Variants in ZNF362 observed in about 807,000 individuals in gnomAD.
ZNF362 encodes the protein zinc finger protein 362.
ZNF362 carries 11 observed loss-of-function variants against 42.9 expected under a neutral mutation model. That is an observed-to-expected ratio of 0.26 (90% confidence interval 0.16 to 0.42). The LOEUF is 0.42. ZNF362 is among the 20% of genes least tolerant of loss of function. The pLI is 1.00. For synonymous variants in ZNF362, 255 were observed against 257.3 expected (o/e 0.99, Z 0.09); for missense variants, 362 against 576.2 (o/e 0.63, Z 3.81).
chr1:33,262,880 G>C (rs1645838714), intron 1 of ZNF362, among the ~76,000 whole-genome samples: 1 of 152,192 alleles, frequency 6.6e-6, no homozygotes, highest in Non-Finnish European at 1.5e-5. Flanking sequence ...ATGTCTGCTG[G>C]AGTGTGCATG....
the ZNF362 span, among the ~76,000 whole-genome samples, chr1:33,235,265 A>AAAAG: frequency 6.6e-6 from 1 of 151,812 alleles, no homozygotes; most frequent in African/African-American, 2.4e-5. Context: ...GGCTTTCCCC[A>AAAAG]CACCTTTGCA....
chr1:33,130,169 A>G, the ZNF362 span, among the ~76,000 whole-genome samples: 1 of 152,184 alleles, frequency 6.6e-6, no homozygotes. Context: ...GTAGCTTTGC[A>G]CTTTAGATGG....
At chr1:33,225,037 T>A in the ZNF362 span, among the ~76,000 whole-genome samples, 1 of 152,208 alleles carries the variant, frequency 6.6e-6, no homozygotes, top group Non-Finnish European at 1.5e-5. Context: ...AACTATGAAC[T>A]GATCTTCTGC....
the ZNF362 span, among the ~76,000 whole-genome samples, chr1:33,144,839 C>T: frequency 6.6e-6 from 1 of 152,190 alleles, no homozygotes; most frequent in African/African-American, 2.4e-5. Flanking sequence ...GGGTCAGAGC[C>T]AGCCCAGAGG....
chr1:33,167,102 C>T, the ZNF362 span, among the ~76,000 whole-genome samples: 1 of 152,080 alleles, frequency 6.6e-6, no homozygotes, highest in South Asian at 2.1e-4. The surrounding 1 kb of genome is among the most constrained non-coding windows in gnomAD (Gnocchi z 4.2). Context: ...GGCTGGTGGC[C>T]TCCACTCTCA....
chr1:33,208,451 T>C, the ZNF362 span, among the ~76,000 whole-genome samples: 1 of 152,208 alleles, frequency 6.6e-6, no homozygotes, highest in African/African-American at 2.4e-5. Flanking sequence ...AGTCGTTTTT[T>C]TCCAATTCTG....
chr1:33,279,416 G>A (rs547385261), intron 4 of ZNF362, among the ~76,000 whole-genome samples: 1 of 151,798 alleles, frequency 6.6e-6, no homozygotes, highest in East Asian at 1.9e-4. Flanking sequence ...CACCACCAGT[G>A]TATGATATAA....
At chr1:33,288,080 G>A (rs996115618) in intron 6 of ZNF362, among the ~76,000 whole-genome samples, 5 of 152,182 alleles carry the variant, frequency 3.3e-5, no homozygotes, top group South Asian at 2.1e-4. Flanking sequence ...AGAAATTAAT[G>A]TATTAAAAAC....
Position 33,281,552 on chromosome 1 carries a change from G to T in ZNF362, c.684-35G>T, listed in dbSNP as rs754105814. 1.9e-6 allele frequency: 3 copies of T among 1,607,818 alleles called. No homozygotes were observed. The highest frequency in any genetic ancestry group is 2.6e-6 in the Non-Finnish European group (3 of 1,174,460). ...CTCCCCTGAGATGGACAGTCTGGGG[G>T]ATCTTCCCACGTGAACCTGTCTCTT... is the stretch of plus-strand genomic sequence containing the variant. On this transcript the variant is annotated intron_variant, in intron 5 of 8. Transcript: ENST00000539719. This position sits in a 1 kb window ranked among gnomAD's most constrained non-coding sequence, Gnocchi z 4.8.
chr1:33,275,972 G>A, intron 2 of ZNF362, 128 bp from the exon 3 acceptor site: 1 of 1,007,218 alleles, frequency 9.9e-7, no homozygotes, highest in Non-Finnish European at 1.5e-6. Context: ...TGTGCTGTGA[G>A]GCTGGGGGAC....
At chr1:33,207,124 C>G in the ZNF362 span, among the ~76,000 whole-genome samples, 2 of 151,480 alleles carry the variant, frequency 1.3e-5, no homozygotes, top group African/African-American at 4.9e-5. Flanking sequence ...CAACAGGCCC[C>G]GGTGTGTGAT....
the ZNF362 span, among the ~76,000 whole-genome samples, chr1:33,243,617 G>C: frequency 6.8e-6 from 1 of 146,852 alleles, no homozygotes; most frequent in Non-Finnish European, 1.5e-5. Context: ...TTTTTTTTTA[G>C]ACGGAGTCTC....
chr1:33,151,014 G>A, the ZNF362 span, among the ~76,000 whole-genome samples: 2 of 152,094 alleles, frequency 1.3e-5, no homozygotes, highest in South Asian at 2.1e-4. Flanking sequence ...GGACTGGTGC[G>A]GGGCGGGGGG....
At chr1:33,225,616 T>G in the ZNF362 span, among the ~76,000 whole-genome samples, 1 of 152,146 alleles carries the variant, frequency 6.6e-6, no homozygotes, top group Admixed American at 6.5e-5. Flanking sequence ...ATGGGGTAGA[T>G]AGACAGACAG....
rs1645980089 is a variant in ZNF362 at position 33,280,060 on chromosome 1, G to A, written c.350-64G>A. On this transcript the variant is annotated intron_variant, in intron 4 of 8. Coordinates refer to ENST00000539719, the MANE Select transcript of ZNF362 (RefSeq NM_152493.3). This position sits in a 1 kb window ranked among gnomAD's most constrained non-coding sequence, Gnocchi z 5.6. ...TCGCCTGCCAAAATCACATAGCTGG[G>A]TGGGCAGCTGAGCTGGCCTCTGCAG... 6.7e-6 allele frequency: 10 copies of A among 1,498,678 alleles called. No homozygotes were observed. The highest frequency in any genetic ancestry group is 1.4e-5 in the African/African-American group (1 of 71,618). 92.8% of individuals were successfully genotyped at this position (1,498,678 alleles called of 1,614,324 possible).
At chr1:33,128,326 G>A in the ZNF362 span, among the ~76,000 whole-genome samples, 663 of 152,240 alleles carry the variant, frequency 4.4e-3, 5 homozygotes, top group African/African-American at 0.015. Context: ...TCAGTGAGCC[G>A]TGAGTGGGGC....
the ZNF362 span, among the ~76,000 whole-genome samples, chr1:33,238,381 TA>T: frequency 1.9e-5 from 2 of 105,530 alleles, no homozygotes; most frequent in African/African-American, 3.5e-5. Flanking sequence ...TAAAATAAAA[TA>T]AATAAAATAA....
chr1:33,236,659 T>C, the ZNF362 span, among the ~76,000 whole-genome samples: 11 of 148,704 alleles, frequency 7.4e-5, no homozygotes, highest in Non-Finnish European at 1.5e-4. Flanking sequence ...TCTAGTGTAG[T>C]CTATTTTGTT....
the ZNF362 span, chr1:33,163,305 C>G: frequency 1.3e-5 from 2 of 152,164 alleles, no homozygotes; most frequent in African/African-American, 4.8e-5. Flanking sequence ...TCCCAAAGTG[C>G]TAGGATTACA....
Sources: gnomAD v4.1 joint callset for allele counts (sites outside exome capture counted in the v4.1 genomes callset) on GRCh38, gnomAD v4.1.1 for gene constraint, Gnocchi (gnomAD v3.1) non-coding constraint, MANE v1.5 for transcripts, NCBI Gene and HGNC (gene_info 2026-07-23, HGNC 2026-07-21) for gene names.